Variants in DSCAM observed in about 807,000 individuals in gnomAD.
DSCAM encodes the protein cell adhesion molecule DSCAM.
In DSCAM, 47 loss-of-function variants were observed where a neutral mutation model predicts 217.7. The observed-to-expected ratio is 0.22, with a 90% CI of 0.17 to 0.28. The LOEUF (loss-of-function observed/expected upper bound fraction) is 0.28. Ranked by LOEUF, DSCAM falls within the 10% of genes least tolerant of loss-of-function variation. DSCAM has a pLI of 1.00. For missense variants in DSCAM, 2,080 were observed against 2,618.3 expected, an observed-to-expected ratio of 0.79 and a Z score of 4.49; for synonymous variants, 1,056 against 1,015.3, an observed-to-expected ratio of 1.04 and a Z score of -0.76.
At chr21:40,387,639 G>C (rs150837531) in intron 3 of DSCAM, among the ~76,000 whole-genome samples, 2 of 152,290 alleles carry the variant, frequency 1.3e-5, no homozygotes, top group Admixed American at 1.3e-4. Flanking sequence ...TTCCAATCTT[G>C]AGCTTCCAGT....
chr21:40,397,179 C>A (rs992896196), intron 3 of DSCAM, among the ~76,000 whole-genome samples: 2 of 152,174 alleles, frequency 1.3e-5, no homozygotes, highest in Admixed American at 6.5e-5. Context: ...TGGCAATAAT[C>A]ATTGTCTCAG....
intron 1 of DSCAM, among the ~76,000 whole-genome samples, chr21:40,716,967 T>C (rs891680359): frequency 1.3e-5 from 2 of 152,124 alleles, no homozygotes; most frequent in Non-Finnish European, 2.9e-5. Context: ...ATCTGACCTA[T>C]GAAAAATGGA....
In DSCAM at chr21:40,686,153, T is replaced by C. The variant is rs2146436189; in HGVS notation, c.508+6657A>G. 2.1e-5 allele frequency among the ~76,000 whole-genome samples: 3 copies of C among 144,890 alleles called. No individual in the cohort carries two copies. In the Admixed American group the frequency reaches 2.2e-4, roughly 11 times the overall value. ...GAGCACACACATCACACACACCCCC[T>C]GCATATATCACACACACACACATAC... On this transcript the variant is annotated intron_variant, in intron 3 of 32. Coordinates refer to ENST00000400454, the MANE Select transcript of DSCAM (RefSeq NM_001389.5).
chr21:40,537,807 A>C (rs1201227951), intron 3 of DSCAM, among the ~76,000 whole-genome samples: 1 of 152,180 alleles, frequency 6.6e-6, no homozygotes. Flanking sequence ...CCTTGATCTC[A>C]GAATTGCAGC....
chr21:40,625,238 A>C lies in DSCAM; in HGVS notation c.508+67572T>G, dbSNP rs1488154077. On this transcript the variant is annotated intron_variant, in intron 3 of 32. Coordinates refer to ENST00000400454, the MANE Select transcript of DSCAM (RefSeq NM_001389.5). Reference sequence around the variant, plus strand: ...AATATAAGAGTAAGAAACCACAGAGATATACATGGAGACTAACTGTCCACA... The same window carrying C: ...AATATAAGAGTAAGAAACCACAGAGCTATACATGGAGACTAACTGTCCACA... Among the ~76,000 whole-genome samples, 8 of 152,336 alleles carry C rather than the reference A, an allele frequency of 5.3e-5. No homozygotes were observed. In the South Asian group the frequency reaches 1.7e-3, roughly 32 times the overall value.
chr21:40,339,048 G>A (rs867210956), intron 7 of DSCAM, 71 bp downstream of exon 7: 32 of 1,561,226 alleles, frequency 2.0e-5, no homozygotes, highest in Non-Finnish European at 2.8e-5. Context: ...CCAGCTCGGT[G>A]CATGCAGAAA....
intron 3 of DSCAM, among the ~76,000 whole-genome samples, chr21:40,376,675 C>CGA (rs2074965761): frequency 1.7e-4 from 24 of 141,416 alleles, no homozygotes; most frequent in East Asian, 2.0e-4. Context: ...ATATAGATAT[C>CGA]TATATATCAT....
At chr21:40,631,400 T>C (rs2089689667) in intron 3 of DSCAM, among the ~76,000 whole-genome samples, 1 of 152,224 alleles carries the variant, frequency 6.6e-6, no homozygotes, top group Non-Finnish European at 1.5e-5. Flanking sequence ...CTTGCCTCAT[T>C]CAACCACTTT....
intron 1 of DSCAM, among the ~76,000 whole-genome samples, chr21:40,768,826 C>A (rs1334569517): frequency 6.6e-6 from 1 of 152,118 alleles, no homozygotes; most frequent in Non-Finnish European, 1.5e-5. Flanking sequence ...AGTTGAGCAC[C>A]AGACCTCGGA....
At chr21:40,342,626 G>GTGTGTGTATATATATATATATATA (rs1491362590) in intron 6 of DSCAM, among the ~76,000 whole-genome samples, 12 of 94,692 alleles carry the variant, frequency 1.3e-4, no homozygotes, top group South Asian at 3.6e-4. Flanking sequence ...GTGTGTGTGT[G>GTGTGTGTATATATATATATATATA]TATATATATA....
chr21:40,760,080 A>G (rs1326136582), intron 1 of DSCAM, among the ~76,000 whole-genome samples: 3 of 149,950 alleles, frequency 2.0e-5, no homozygotes, highest in Non-Finnish European at 3.0e-5. Context: ...TGCAACCTCC[A>G]CCCCCCAGGT....
At chr21:40,664,143 A>G (rs940427491) in intron 3 of DSCAM, among the ~76,000 whole-genome samples, 1 of 152,102 alleles carries the variant, frequency 6.6e-6, no homozygotes, top group African/African-American at 2.4e-5. Flanking sequence ...CCTCTTATCC[A>G]TAGTCCGGGA....
chr21:40,715,641 T>A (rs1264042331), intron 1 of DSCAM, among the ~76,000 whole-genome samples: 1 of 152,210 alleles, frequency 6.6e-6, no homozygotes, highest in African/African-American at 2.4e-5. Context: ...GCATAGTTAA[T>A]AGTTCAACAC....
chr21:40,701,905 G>A (rs911379177), intron 2 of DSCAM, among the ~76,000 whole-genome samples: 2 of 152,046 alleles, frequency 1.3e-5, no homozygotes, highest in African/African-American at 4.8e-5. Context: ...TTGTGCTGTT[G>A]TTGGATAGAA....
rs556772562 is a variant in DSCAM, at chr21:40,124,340, G to A, written c.3563-12C>T. On this transcript the variant is annotated splice_polypyrimidine_tract_variant and intron_variant, in intron 19 of 32. Transcript: ENST00000400454. ...GGGAGGACCTGGAACTGGAAGAGCC[G>A]TGTGTTTAGTCACAAGGTGGGGCCT... The A allele has an allele frequency of 3.0e-4, 479 of 1,613,292 alleles. 2 individuals carry two copies. Among genetic ancestry groups the A allele is most frequent in the Non-Finnish European group, 7.6e-5 (90 of 1,179,954 alleles).
chr21:40,210,773 G>C (rs1303466335), intron 11 of DSCAM, among the ~76,000 whole-genome samples: 1 of 152,178 alleles, frequency 6.6e-6, no homozygotes, highest in Non-Finnish European at 1.5e-5. Context: ...TCGAACTCCT[G>C]ACCTCAGGTG....
At chr21:40,545,410 A>G (rs1482901130) in intron 3 of DSCAM, among the ~76,000 whole-genome samples, 1 of 152,172 alleles carries the variant, frequency 6.6e-6, no homozygotes. Context: ...GCAGCCCTGT[A>G]ATATCCGAAA....
At chr21:40,103,681 T>G (rs1377040151) in intron 20 of DSCAM, among the ~76,000 whole-genome samples, 1 of 151,724 alleles carries the variant, frequency 6.6e-6, no homozygotes, top group East Asian at 1.9e-4. Context: ...GTAGATACCA[T>G]TACATATATG....
chr21:40,731,842 C>T (rs960324105), intron 1 of DSCAM, among the ~76,000 whole-genome samples: 1 of 150,834 alleles, frequency 6.6e-6, no homozygotes, highest in South Asian at 2.1e-4. Flanking sequence ...GATTCTCCTG[C>T]CTCAGCCTCC....
Sources: gnomAD v4.1 joint callset for allele counts (sites outside exome capture counted in the v4.1 genomes callset) on GRCh38, gnomAD v4.1.1 for gene constraint, MANE v1.5 for transcripts, NCBI Gene and HGNC (gene_info 2026-07-23, HGNC 2026-07-21) for gene names.